The following SYMPK variants were observed in gnomAD, a reference collection of about 807,000 sequenced individuals.
SYMPK encodes symplekin scaffold protein.
A neutral mutation model predicts 136.4 loss-of-function variants in SYMPK; 49 were observed. That is an observed-to-expected ratio of 0.36 (90% CI 0.29 to 0.46). SYMPK has a LOEUF of 0.46. Ranked by LOEUF, SYMPK falls within the 20% of genes least tolerant of loss-of-function variation. The pLI, the probability that SYMPK is intolerant of heterozygous loss-of-function variation, is 1.00. For missense variants in SYMPK, 1,365 were observed against 1,690.0 expected (o/e 0.81, Z 3.37); for synonymous variants, 766 against 713.0 (o/e 1.07, Z -1.19).
In SYMPK at chr19:45,829,157, G is replaced by C; in HGVS notation, c.1798C>G (p.Leu600Val). Residue 600 changes from leucine (L) to valine (V), a missense_variant, in exon 14 of 27, where the codon CTG becomes GTG. Around this residue, in one of 11 missense-constraint regions of SYMPK, gnomAD observed 303 missense variants for 326.6 expected, o/e 0.93. Transcript: ENST00000245934. ...ATGAAGGACAGGACCTCCGCCTTCA[G>C]GCCCGAGTTGAACTGTGTCACCAGG... The part of the protein sequence containing the change: ...ASLVTQFNSG[L>V]KAEVLSFILE... 6.2e-7 allele frequency: 1 copy of C among 1,614,210 alleles called. No individual in the cohort carries two copies. The highest frequency in any genetic ancestry group is 8.5e-7 in the Non-Finnish European group (1 of 1,180,044).
At chr19:45,852,614 G>A (rs1971724087) in intron 3 of SYMPK, 79 bp from the exon 4 acceptor site, 1 of 1,545,488 alleles carries the variant, frequency 6.5e-7, no homozygotes, top group Admixed American at 1.7e-5. Flanking sequence ...GAGAGTAGAG[G>A]GGAAGACAGC....
chr19:45,835,877 A>G (rs1568616788), intron 10 of SYMPK, among the ~76,000 whole-genome samples: 1 of 151,600 alleles, frequency 6.6e-6, no homozygotes, highest in South Asian at 2.1e-4. Context: ...GCGCTACTGC[A>G]CTCCAGCCTG....
chr19:45,824,015 G>T, intron 18 of SYMPK, 140 bp from the exon 19 acceptor site: 1 of 492,872 alleles, frequency 2.0e-6, no homozygotes, highest in Non-Finnish European at 3.8e-6. Flanking sequence ...CGGGGGAAAG[G>T]TGGGGAAGGG....
chr19:45,857,558 C>T (rs1367437843), intron 1 of SYMPK, among the ~76,000 whole-genome samples: 4 of 150,870 alleles, frequency 2.7e-5, no homozygotes, highest in Non-Finnish European at 4.4e-5. Flanking sequence ...GTGGCGTGAT[C>T]GTGGCTCACT....
intron 10 of SYMPK, 145 bp downstream of exon 10, chr19:45,838,316 G>A: frequency 1.9e-6 from 2 of 1,030,636 alleles, no homozygotes; most frequent in Admixed American, 2.8e-5. Context: ...ACAGCCTGCA[G>A]AACTGTAAGC....
rs1023200427 is a variant in SYMPK at position 45,847,889 on chromosome 19, C to T, written c.539G>A (p.Arg180His). The change falls in exon 7 of 27, where the codon CGC (arginine) becomes CAC (histidine). Residue 180 changes from arginine to histidine, a missense_variant. This residue lies in a region of SYMPK where 237 missense variants were observed against 292.9 expected (regional missense o/e 0.81). Coordinates refer to ENST00000245934, the MANE Select transcript of SYMPK (RefSeq NM_004819.3). ...CTCCACAAACTTGATGGCGTGGGTG[C>T]GGATGCCGTCATTGTCAGAGTCCAA... ...LLLDSDNDGI[R>H]THAIKFVEGL... 3 of 1,613,924 alleles carry T rather than the reference C, an allele frequency of 1.9e-6. No homozygotes were observed. The highest frequency in any genetic ancestry group is 2.5e-6 in the Non-Finnish European group (3 of 1,179,954).
chr19:45,860,278 A>G (rs10408067), intron 1 of SYMPK, among the ~76,000 whole-genome samples: 18,090 of 151,950 alleles, frequency 0.12, 1,437 homozygotes, highest in East Asian at 0.34. Context: ...CAACATGGTG[A>G]AACCTCATCT....
At position 45,827,936 on chromosome 19, in the gene SYMPK, A is replaced by C. The variant is rs765632672; in HGVS notation, c.1986-18T>G. 6.8e-5 allele frequency: 109 copies of C among 1,612,956 alleles called. No homozygotes were observed. The highest frequency in any genetic ancestry group is 1.3e-4 in the African/African-American group (10 of 75,024). The stretch of plus-strand genomic sequence containing the variant: ...TGAAGATCCTGCCAGAGATGGAGGG[A>C]GGGCCATGGCTGCAGAGGAAGAGGC... On this transcript the variant is annotated intron_variant, in intron 14 of 26. Coordinates refer to ENST00000245934, the MANE Select transcript of SYMPK (RefSeq NM_004819.3).
intron 10 of SYMPK, among the ~76,000 whole-genome samples, chr19:45,838,231 T>A (rs1383800276): frequency 6.6e-6 from 1 of 151,908 alleles, no homozygotes; most frequent in Admixed American, 6.6e-5. Flanking sequence ...TGCTCCCCCT[T>A]CACCTTTCAC....
chr19:45,818,487 T>C (rs922591517), intron 22 of SYMPK, among the ~76,000 whole-genome samples: 5 of 152,002 alleles, frequency 3.3e-5, no homozygotes, highest in Non-Finnish European at 5.9e-5. Context: ...CCACCCCTGC[T>C]AGGGAGGGAA....
rs769363368 is a variant in SYMPK, at chr19:45,815,540, C to G, written c.*20G>C. On this transcript the variant is annotated 3_prime_UTR_variant, in exon 27 of 27. Transcript: ENST00000245934. ...CCAGCCCCGAGTCCCTGTCCCACCC[C>G]CTTTCCCCCTCGAGCCCCGTCAGCT... The G allele has an allele frequency of 3.6e-5, 55 of 1,527,056 alleles. No individual in the cohort carries two copies. The highest frequency in any genetic ancestry group is 6.5e-5 in the Admixed American group (3 of 45,942). The allele number at this position is 1,527,056 out of a possible 1,614,324, so 94.6% of individuals were successfully genotyped here.
chr19:45,825,134 G>T (rs199953218), intron 18 of SYMPK, 37 bp downstream of exon 18: 1 of 1,597,176 alleles, frequency 6.3e-7, no homozygotes, highest in Non-Finnish European at 8.5e-7. Context: ...AGCCTTGCCC[G>T]TGGGTGGGCA....
chr19:45,850,142 G>A (rs1971664879), intron 5 of SYMPK, among the ~76,000 whole-genome samples: 1 of 152,064 alleles, frequency 6.6e-6, no homozygotes, highest in South Asian at 2.1e-4. Flanking sequence ...ATACTCGGGG[G>A]GGCTGAGGGA....
In SYMPK at chr19:45,825,310, T is replaced by A; in HGVS notation, c.2351A>T (p.Glu784Val). 6.2e-7 allele frequency: 1 copy of A among 1,613,976 alleles called. No individual in the cohort carries two copies. The highest frequency in any genetic ancestry group is 8.5e-7 in the Non-Finnish European group (1 of 1,179,938). The change falls in exon 18 of 27, where the codon GAG (glutamate) becomes GTG (valine). Residue 784 changes from glutamate (E) to valine (V), a missense_variant. Glu to Val is a moderately radical substitution (Grantham distance 121). Transcript: ENST00000245934. ...KDTEVAAPWT[E>V]ETVKQCLYLY... ...GTACAGACACTGCTTCACTGTCTCC[T>A]CCGTCCAGGGTGCTGCCACCTCTGA...
chr19:45,827,809 G>C (rs113725263), intron 15 of SYMPK, 28 bp downstream of exon 15: 1 of 1,610,884 alleles, frequency 6.2e-7, no homozygotes, highest in African/African-American at 1.3e-5. Context: ...CCCTGCCCCG[G>C]GCTGCACTGA....
At chr19:45,817,447 A>G (rs1217227618) in intron 23 of SYMPK, among the ~76,000 whole-genome samples, 4 of 63,520 alleles carry the variant, frequency 6.3e-5, no homozygotes, top group East Asian at 4.7e-4. Context: ...TTTTTTTTTG[A>G]GAGATGGTCT....
Position 45,829,075 on chromosome 19 carries a change from T to C in SYMPK, c.1880A>G (p.Tyr627Cys). Residue 627 changes from tyrosine (Y) to cysteine (C), a missense_variant, in exon 14 of 27, where the codon TAC becomes TGC. This residue lies in a region of SYMPK where 303 missense variants were observed against 326.6 expected (regional missense o/e 0.93). Transcript: ENST00000245934. Reference sequence around the variant, plus strand: ...GGCACCTGCGGCCAGGTAGGCGTTGTACTCCTGGTAGAGCCAGGCGAAGGC... The same window carrying C: ...GGCACCTGCGGCCAGGTAGGCGTTGCACTCCTGGTAGAGCCAGGCGAAGGC... ...DLAFAWLYQE[Y>C]NAYLAAGASG... 4 of 1,614,186 alleles carry C rather than the reference T, an allele frequency of 2.5e-6. No individual in the cohort carries two copies. The highest frequency in any genetic ancestry group is 3.4e-6 in the Non-Finnish European group (4 of 1,180,044).
At chr19:45,817,428 T>C (rs1347115544) in intron 23 of SYMPK, among the ~76,000 whole-genome samples, 7 of 59,084 alleles carry the variant, frequency 1.2e-4, no homozygotes, top group Admixed American at 6.7e-4. Flanking sequence ...TTTTTTTTTT[T>C]TTTTTTTTTT....
intron 11 of SYMPK, among the ~76,000 whole-genome samples, chr19:45,832,559 C>T (rs1156720592): frequency 6.6e-6 from 1 of 152,188 alleles, no homozygotes; most frequent in African/African-American, 2.4e-5. Context: ...CAAATATTCA[C>T]AGCAGCTTTA....
Sources: allele counts gnomAD v4.1 joint callset (sites outside exome capture counted in the v4.1 genomes callset), GRCh38; gene constraint gnomAD v4.1.1; regional missense constraint gnomAD v4.1.1; transcripts MANE v1.5; gene names NCBI Gene and HGNC (gene_info 2026-07-23, HGNC 2026-07-21).